SMIM35: variants seen among roughly 807,000 people sequenced by gnomAD.
SMIM35 encodes small integral membrane protein 35.
rs114873863 is a variant in SMIM35, at chr11:118,079,595, C to T, written c.7+7156G>A. On this transcript the variant is annotated intron_variant, in intron 1 of 4. Transcript: ENST00000689828. Reference sequence around the variant, plus strand: ...CTCATTACTGTTCCGGAGACCTAAACGCACCCTGAGCCACCAGACGTGGGT... The same window carrying T: ...CTCATTACTGTTCCGGAGACCTAAATGCACCCTGAGCCACCAGACGTGGGT... Among the ~76,000 whole-genome samples, 1,174 of 152,314 alleles carry T rather than the reference C, an allele frequency of 7.7e-3. 15 individuals are homozygous for T. Among genetic ancestry groups the T allele is most frequent in the African/African-American group, 0.027 (1,128 of 41,556 alleles).
chr11:118,060,594 C>T (rs944269702), intron 1 of SMIM35, among the ~76,000 whole-genome samples: 11 of 152,232 alleles, frequency 7.2e-5, no homozygotes, highest in African/African-American at 1.9e-4. Flanking sequence ...TGTCCTTGGC[C>T]GCCTTTCTTC....
intron 1 of SMIM35, among the ~76,000 whole-genome samples, chr11:118,040,123 C>T (rs532529465): frequency 1.3e-5 from 2 of 150,902 alleles, no homozygotes; most frequent in Admixed American, 6.6e-5. Flanking sequence ...AGCTGAGGCA[C>T]GAGAATCGCT....
intron 1 of SMIM35, among the ~76,000 whole-genome samples, chr11:118,054,030 T>A (rs1944267120): frequency 6.6e-6 from 1 of 152,208 alleles, no homozygotes; most frequent in African/African-American, 2.4e-5. Flanking sequence ...ATTTTCAGCA[T>A]GATTTTTTAC....
chr11:118,020,826 A>G (rs1217037104), intron 1 of SMIM35, among the ~76,000 whole-genome samples: 1 of 152,080 alleles, frequency 6.6e-6, no homozygotes, highest in African/African-American at 2.4e-5. Flanking sequence ...TTTCTTGTCT[A>G]ATTGTATTGG....
At chr11:118,053,396 C>A (rs1944254288) in intron 1 of SMIM35, among the ~76,000 whole-genome samples, 2 of 151,516 alleles carry the variant, frequency 1.3e-5, no homozygotes, top group Admixed American at 1.3e-4. Flanking sequence ...GGCAAATGTT[C>A]CTTGAATAAA....
intron 1 of SMIM35, among the ~76,000 whole-genome samples, chr11:118,036,882 A>G (rs1396326205): frequency 2.0e-5 from 3 of 152,186 alleles, no homozygotes; most frequent in South Asian, 2.1e-4. Context: ...GCTTGGGTTT[A>G]TATCTCGATC....
chr11:118,075,578 TC>T (rs754312265), intron 1 of SMIM35, among the ~76,000 whole-genome samples: 5 of 152,210 alleles, frequency 3.3e-5, no homozygotes, highest in African/African-American at 7.2e-5. Flanking sequence ...CGAAACTACT[TC>T]ATGTCCATAG....
At chr11:118,080,011 C>A (rs1315374370) in intron 1 of SMIM35, among the ~76,000 whole-genome samples, 1 of 152,190 alleles carries the variant, frequency 6.6e-6, no homozygotes, top group Admixed American at 6.5e-5. Context: ...CCACTCCCCC[C>A]CCACCAAAAG....
intron 1 of SMIM35, among the ~76,000 whole-genome samples, chr11:118,020,092 C>T (rs2058214673): frequency 6.6e-6 from 1 of 152,082 alleles, no homozygotes; most frequent in South Asian, 2.1e-4. Flanking sequence ...ATGGTGAAAC[C>T]CCATCTCTAC....
At chr11:118,009,930 G>T (rs919828574) in intron 4 of SMIM35, among the ~76,000 whole-genome samples, 6 of 152,086 alleles carry the variant, frequency 3.9e-5, no homozygotes, top group African/African-American at 1.4e-4. Flanking sequence ...TCATCCTTAC[G>T]CCCTGATGTC....
chr11:118,057,691 A>C (rs142473468), intron 1 of SMIM35, among the ~76,000 whole-genome samples: 2 of 152,314 alleles, frequency 1.3e-5, no homozygotes, highest in African/African-American at 4.8e-5. Flanking sequence ...TGGTATGTTG[A>C]GGGGATTCGC....
intron 1 of SMIM35, among the ~76,000 whole-genome samples, chr11:118,036,092 G>A (rs1280400819): frequency 1.3e-5 from 2 of 152,140 alleles, no homozygotes; most frequent in Admixed American, 6.5e-5. Flanking sequence ...TCACCATGTT[G>A]GCCTGGCTGG....
intron 4 of SMIM35, among the ~76,000 whole-genome samples, chr11:118,008,013 G>A (rs1158840292): frequency 6.6e-6 from 1 of 151,976 alleles, no homozygotes; most frequent in Non-Finnish European, 1.5e-5. Context: ...AGGATTATAG[G>A]CACGAGCCAC....
intron 1 of SMIM35, among the ~76,000 whole-genome samples, chr11:118,056,327 C>T (rs1944308832): frequency 3.9e-5 from 6 of 152,014 alleles, no homozygotes. Context: ...GATAGGACAT[C>T]AGGAAGGGAG....
intron 1 of SMIM35, among the ~76,000 whole-genome samples, chr11:118,076,068 GA>G (rs1944675746): frequency 6.6e-6 from 1 of 152,208 alleles, no homozygotes; most frequent in Admixed American, 6.5e-5. Flanking sequence ...AGGTGTTTGA[GA>G]CCAGCCTGGC....
chr11:118,024,138 A>T (rs201888720), intron 1 of SMIM35, among the ~76,000 whole-genome samples: 2 of 151,432 alleles, frequency 1.3e-5, no homozygotes, highest in Non-Finnish European at 2.9e-5. Context: ...AGAAAAAAAA[A>T]TTTTGATGAG....
At chr11:118,008,593 C>T (rs1373046091) in intron 4 of SMIM35, among the ~76,000 whole-genome samples, 1 of 152,218 alleles carries the variant, frequency 6.6e-6, no homozygotes. Flanking sequence ...CATCTGTGTG[C>T]TCTCTCTCAG....
chr11:118,021,266 A>G (rs1213998574), intron 1 of SMIM35, among the ~76,000 whole-genome samples: 2 of 152,150 alleles, frequency 1.3e-5, no homozygotes, highest in African/African-American at 4.8e-5. Context: ...TGACATTAAC[A>G]ATAAAATTGT....
chr11:118,029,960 T>C (rs948086798), intron 1 of SMIM35: 3 of 357,846 alleles, frequency 8.4e-6, no homozygotes, highest in Non-Finnish European at 1.7e-5. Context: ...ATGATTGTTG[T>C]GGCTTATGTT....
Sources: allele counts gnomAD v4.1 joint callset (sites outside exome capture counted in the v4.1 genomes callset), GRCh38; gene constraint gnomAD v4.1.1; transcripts MANE v1.5; gene names NCBI Gene and HGNC (gene_info 2026-07-23, HGNC 2026-07-21).